KARS1: variants seen among roughly 807,000 people sequenced by gnomAD.
KARS1 encodes lysyl-tRNA synthetase 1.
In KARS1, 50 loss-of-function variants were observed where a neutral mutation model predicts 63.9. The ratio of observed to expected loss-of-function variants is 0.78; its 90% CI spans 0.62 to 0.99. The LOEUF (loss-of-function observed/expected upper bound fraction) is 0.99. Ranked by LOEUF, KARS1 falls within the 50% of genes least tolerant of loss-of-function variation. KARS1 has a pLI of 0.00. For missense variants in KARS1, 816 were observed against 754.5 expected (o/e 1.08, Z -0.95); for synonymous variants, 320 against 264.6 (o/e 1.21, Z -2.03).
intron 7 of KARS1, among the ~76,000 whole-genome samples, chr16:75,632,809 G>T (rs2082126856): frequency 6.6e-6 from 1 of 152,164 alleles, no homozygotes; most frequent in Admixed American, 6.5e-5. Flanking sequence ...AATATTAAAG[G>T]GAAATATTGG....
At position 75,636,064 on chromosome 16, in the gene KARS1, T is replaced by A; in HGVS notation, c.517A>T (p.Asn173Tyr). ...ATGTCTCCCCGACGCAGTTTGTTAT[T>A]AATATGAATAAATTCTTCTTCTGAT... ...YKSEEEFIHINNKLRRGDIIG... is the reference protein window; with the variant it reads ...YKSEEEFIHIYNKLRRGDIIG... Residue 173 changes from asparagine (N) to tyrosine (Y), a missense_variant, in exon 5 of 14, where the codon AAT becomes TAT. By Grantham distance (143) the Asn-to-Tyr change is moderately radical (BLOSUM62 -2). Transcript: ENST00000302445. 1 of 1,600,250 alleles carries A rather than the reference T, an allele frequency of 6.2e-7. No homozygotes were observed.
At chr16:75,630,586 AG>A in intron 10 of KARS1, 78 bp from the exon 11 acceptor site, 1 of 840,070 alleles carries the variant, frequency 1.2e-6, no homozygotes, top group Middle Eastern at 2.3e-4. Context: ...AGAAGATCTC[AG>A]CTCCCATCCA....
chr16:75,636,549 T>G lies in KARS1; in HGVS notation c.389-2A>C. On this transcript the variant is annotated splice_acceptor_variant, in intron 3 of 13. Coordinates refer to ENST00000302445, the MANE Select transcript of KARS1 (RefSeq NM_005548.3). LOFTEE classifies it high-confidence loss of function. ...AAGCTCTTTTGGCATGGATCCTACCTAGAAAAAGAAGAGCAAAAATACTGA... is the reference window on the plus strand; with the variant it reads ...AAGCTCTTTTGGCATGGATCCTACCGAGAAAAAGAAGAGCAAAAATACTGA... 1 of 1,593,164 alleles carries G rather than the reference T, an allele frequency of 6.3e-7. No homozygotes were observed. The highest frequency in any genetic ancestry group is 8.6e-7 in the Non-Finnish European group (1 of 1,161,604).
chr16:75,636,037 T>C lies in KARS1; in HGVS notation c.544A>G (p.Ile182Val). ...TTACCAGGATTCCCCTGAACTCCAATTATGTCTCCCCGACGCAGTTTGTTA... is the reference window on the plus strand; with the variant it reads ...TTACCAGGATTCCCCTGAACTCCAACTATGTCTCCCCGACGCAGTTTGTTA... ...INNKLRRGDIIGVQGNPGKTK... is the reference protein window; with the variant it reads ...INNKLRRGDIVGVQGNPGKTK... The change falls in exon 5 of 14, where the codon ATT (isoleucine) becomes GTT (valine). Residue 182 changes from isoleucine (I) to valine (V), a missense_variant. Transcript: ENST00000302445. The C allele has an allele frequency of 1.2e-6, 2 of 1,610,394 alleles. No individual in the cohort carries two copies. The highest frequency in any genetic ancestry group is 1.7e-6 in the Non-Finnish European group (2 of 1,176,612).
In KARS1 at chr16:75,641,709, C is replaced by T. The variant is rs779473612; in HGVS notation, c.77G>A (p.Arg26His). 11 of 1,613,834 alleles carry T rather than the reference C, an allele frequency of 6.8e-6. No individual in the cohort carries two copies. The highest frequency in any genetic ancestry group is 2.2e-5 in the East Asian group (1 of 44,880). The change falls in exon 2 of 14, where the codon CGC (arginine) becomes CAC (histidine). Residue 26 changes from arginine (R) to histidine (H), a missense_variant. Physicochemically the swap from Arg to His is conservative, Grantham distance 29. Coordinates refer to ENST00000302445, the MANE Select transcript of KARS1 (RefSeq NM_005548.3). ...PKLSKNELKR[R>H]LKAEKKVAEK... is the part of the protein sequence containing the mutation. The stretch of plus-strand genomic sequence containing the variant: ...TGCTACTTTCTTCTCAGCTTTCAGG[C>T]GTCTCTTCAGCTCACTGTTGGAAAG...
In KARS1 at chr16:75,640,196, A is replaced by C. The variant is rs1365134267; in HGVS notation, c.376T>G (p.Leu126Val). Reference sequence around the variant, plus strand: ...GGAGAGTTCCTACCTGCCACCTTTAAGGTGATGTCAGTCAGGTGATCCCCA... The same window carrying C: ...GGAGAGTTCCTACCTGCCACCTTTACGGTGATGTCAGTCAGGTGATCCCCA... ...QPGDHLTDIT[L>V]KVAGRIHAKR... The change falls in exon 3 of 14, where the codon TTA becomes GTA. Residue 126 changes from leucine to valine, a missense_variant. Physicochemically the swap from Leu to Val is conservative, Grantham distance 32. Transcript: ENST00000302445. 1.9e-6 allele frequency: 3 copies of C among 1,614,048 alleles called. No homozygotes were observed.
At chr16:75,647,459 C>T (rs552763202) in intron 1 of KARS1, 119 bp downstream of exon 1, 4 of 927,952 alleles carry the variant, frequency 4.3e-6, no homozygotes, top group Non-Finnish European at 6.9e-6. Context: ...TCAGCATGTG[C>T]GTACCCACGA....
At position 75,641,668 on chromosome 16, in the gene KARS1, G is replaced by C; in HGVS notation, c.118C>G (p.Gln40Glu). The change falls in exon 2 of 14, where the codon CAG (glutamine) becomes GAG (glutamate). Residue 40 changes from glutamine (Q) to glutamate (E), a missense_variant. Physicochemically the swap from Gln to Glu is conservative, Grantham distance 29 (BLOSUM62 2). Transcript: ENST00000302445. Reference protein sequence around the residue: ...EKKVAEKEAKQKELSEKQLSQ... With the variant: ...EKKVAEKEAKEKELSEKQLSQ... ...AGCTGTTTCTCACTGAGCTCTTTCTGTTTGGCCTCCTTCTCTGCTACTTTC... is the reference window on the plus strand; with the variant it reads ...AGCTGTTTCTCACTGAGCTCTTTCTCTTTGGCCTCCTTCTCTGCTACTTTC... 1 of 1,613,932 alleles carries C rather than the reference G, an allele frequency of 6.2e-7. No homozygotes were observed. The highest frequency in any genetic ancestry group is 8.5e-7 in the Non-Finnish European group (1 of 1,179,998).
intron 3 of KARS1, among the ~76,000 whole-genome samples, chr16:75,638,265 C>T (rs183673870): frequency 6.6e-6 from 1 of 151,212 alleles, no homozygotes; most frequent in Admixed American, 6.6e-5. Context: ...ATGTGCAGAA[C>T]ACGCAGATTT....
At chr16:75,644,622 C>T (rs1018857317) in intron 1 of KARS1, among the ~76,000 whole-genome samples, 1 of 152,212 alleles carries the variant, frequency 6.6e-6, no homozygotes, top group Non-Finnish European at 1.5e-5. Context: ...GTAACACTCT[C>T]TGTGCTACAA....
At position 75,634,246 on chromosome 16, in the gene KARS1, T is replaced by G; in HGVS notation, c.842A>C (p.Lys281Thr). 6.2e-7 allele frequency: 1 copy of G among 1,614,090 alleles called. No individual in the cohort carries two copies. Among genetic ancestry groups the G allele is most frequent in the South Asian group, 1.1e-5 (1 of 91,080 alleles). ...CTCGTTGTGATAAGTGATGAAAGGCTTGGCCACGGCTCCCCCTGGGATGAT... is the reference window on the plus strand; with the variant it reads ...CTCGTTGTGATAAGTGATGAAAGGCGTGGCCACGGCTCCCCCTGGGATGAT... ...MNIIPGGAVA[K>T]PFITYHNELD... Residue 281 changes from lysine (K) to threonine (T), a missense_variant, in exon 7 of 14, where the codon AAG (lysine) becomes ACG (threonine). By Grantham distance (78) the Lys-to-Thr change is moderately conservative. Coordinates refer to ENST00000302445, the MANE Select transcript of KARS1 (RefSeq NM_005548.3).
chr16:75,646,132 T>C (rs1262197634), intron 1 of KARS1, among the ~76,000 whole-genome samples: 2 of 152,188 alleles, frequency 1.3e-5, no homozygotes, highest in African/African-American at 4.8e-5. Context: ...TGGAAGTCCA[T>C]CGGATTGCTC....
chr16:75,629,566 G>A (rs767310925), intron 11 of KARS1, 25 bp from the exon 12 acceptor site: 3 of 1,613,218 alleles, frequency 1.9e-6, no homozygotes, highest in South Asian at 1.1e-5. Context: ...CCAAAGAGGA[G>A]GCTGAATATA....
intron 3 of KARS1, 98 bp from the exon 4 acceptor site, chr16:75,636,645 T>G (rs2082165436): frequency 3.9e-6 from 3 of 768,966 alleles, no homozygotes; most frequent in African/African-American, 1.7e-5. Context: ...TTTTTTTTGT[T>G]TTTTTTGGGA....
At position 75,634,238 on chromosome 16, in the gene KARS1, T is replaced by C; in HGVS notation, c.850A>G (p.Ile284Val). The change falls in exon 7 of 14, where the codon ATC (isoleucine) becomes GTC (valine). Residue 284 changes from isoleucine to valine, a missense_variant. Transcript: ENST00000302445. ...ATGTCCAGCTCGTTGTGATAAGTGA[T>C]GAAAGGCTTGGCCACGGCTCCCCCT... ...IPGGAVAKPF[I>V]TYHNELDMNL... 6.2e-7 allele frequency: 1 copy of C among 1,614,122 alleles called. No homozygotes were observed. The highest frequency in any genetic ancestry group is 8.5e-7 in the Non-Finnish European group (1 of 1,179,940).
chr16:75,634,787 G>C (rs1293192075), intron 6 of KARS1, among the ~76,000 whole-genome samples: 2 of 152,114 alleles, frequency 1.3e-5, no homozygotes, highest in African/African-American at 4.8e-5. Flanking sequence ...GTGTTAGCCA[G>C]GATGGTCTCG....
At chr16:75,639,789 T>G (rs930108909) in intron 3 of KARS1, 3 of 166,668 alleles carry the variant, frequency 1.8e-5, no homozygotes, top group African/African-American at 2.4e-5. Context: ...ATTTTTTTTT[T>G]TTGTTTTTTA....
chr16:75,634,660 C>A (rs1240323324), intron 6 of KARS1, among the ~76,000 whole-genome samples: 5 of 152,138 alleles, frequency 3.3e-5, no homozygotes, highest in African/African-American at 1.2e-4. Context: ...ATGGCAAGCT[C>A]CGCCTCCTGG....
In KARS1 at chr16:75,641,731, A is replaced by G. The variant is rs770033586; in HGVS notation, c.63-8T>C. 4 of 1,613,492 alleles carry G rather than the reference A, an allele frequency of 2.5e-6. No individual in the cohort carries two copies. The highest frequency in any genetic ancestry group is 2.5e-6 in the Non-Finnish European group (3 of 1,179,988). The stretch of plus-strand genomic sequence containing the variant: ...AGGCGTCTCTTCAGCTCACTGTTGG[A>G]AAGATGAAAGCGTTCAATGTGTTAG... On this transcript the variant is annotated splice_polypyrimidine_tract_variant and splice_region_variant and intron_variant, in intron 1 of 13. Coordinates refer to ENST00000302445, the MANE Select transcript of KARS1 (RefSeq NM_005548.3).
Sources: gnomAD v4.1 joint callset for allele counts (sites outside exome capture counted in the v4.1 genomes callset) on GRCh38, gnomAD v4.1.1 for gene constraint, MANE v1.5 for transcripts, NCBI Gene and HGNC (gene_info 2026-07-23, HGNC 2026-07-21) for gene names.